The following SCGB2B2 variants were observed in gnomAD, a reference collection of about 807,000 sequenced individuals.
The protein encoded by SCGB2B2 is secretoglobin family 2B member 2, also known as secretoglobin-like protein.
Under a neutral mutation model 7.6 loss-of-function variants are expected in SCGB2B2, and 11 were observed. The observed-to-expected ratio is 1.45, with a 90% CI of 0.91 to 2.40. The LOEUF is 2.40. Among genes scored for constraint, SCGB2B2 ranks in the 30% most tolerant of loss-of-function variants. The pLI is 0.00. For synonymous variants in SCGB2B2, 50 were observed against 48.6 expected (o/e 1.03, Z -0.12); for missense variants, 104 against 115.4 (o/e 0.90, Z 0.45).
At chr19:34,596,885 A>G (rs1227760314) in intron 1 of SCGB2B2, among the ~76,000 whole-genome samples, 2 of 151,536 alleles carry the variant, frequency 1.3e-5, no homozygotes, top group African/African-American at 4.8e-5. Context: ...CCCTCTCTGG[A>G]CCCCAGAGCA....
intron 1 of SCGB2B2, among the ~76,000 whole-genome samples, chr19:34,600,193 C>T (rs2065583793): frequency 6.6e-6 from 1 of 152,136 alleles, no homozygotes. Context: ...GTTAATTTTG[C>T]TCTTTTACAA....
chr19:34,670,441 T>G (rs1271375795), intron 1 of SCGB2B2, among the ~76,000 whole-genome samples: 1 of 152,238 alleles, frequency 6.6e-6, no homozygotes, highest in Admixed American at 6.5e-5. Context: ...TATTCCCGTT[T>G]GGTGTGCAGT....
chr19:34,598,037 T>G (rs1600036446), intron 1 of SCGB2B2, among the ~76,000 whole-genome samples: 2 of 149,286 alleles, frequency 1.3e-5, no homozygotes, highest in South Asian at 2.1e-4. Context: ...TAAGTGGGGG[T>G]GATGGGTGGT....
chr19:34,663,184 G>C (rs977918058), intron 1 of SCGB2B2, among the ~76,000 whole-genome samples: 2 of 152,238 alleles, frequency 1.3e-5, no homozygotes, highest in Non-Finnish European at 2.9e-5. Flanking sequence ...GTGGCTGGGG[G>C]TGTGCATTGT....
chr19:34,588,800 C>T (rs545817345), downstream of SCGB2B2, among the ~76,000 whole-genome samples: 3 of 152,036 alleles, frequency 2.0e-5, no homozygotes, highest in East Asian at 1.9e-4. Context: ...ATGGGGTGAC[C>T]GATGGATGGA....
rs528835092 is a variant in SCGB2B2, at chr19:34,597,164, C to G, written c.-2031-570G>C. Among the ~76,000 whole-genome samples, 16 of 152,136 alleles carry G rather than the reference C, an allele frequency of 1.1e-4. No homozygotes were observed. In the South Asian group the frequency reaches 3.3e-3, roughly 31 times the overall value. On this transcript the variant is annotated intron_variant, in intron 1 of 3. Transcript: ENST00000601241. ...CACCTGTGACTCCCATCAGCCCCAC[C>G]ACATGTGGGTCCTCAAGTGCCATGA...
chr19:34,651,959 C>G lies in SCGB2B2; in HGVS notation c.-2032+23671G>C, dbSNP rs369731424. Among the ~76,000 whole-genome samples, 22 of 151,134 alleles carry G rather than the reference C, an allele frequency of 1.5e-4. 1 individual carries two copies. The highest frequency in any genetic ancestry group is 5.4e-4 in the African/African-American group (22 of 40,544). ...TAGACCAGTGAAACTAAATAGATAACTCAGAAACACATCCAGCTGTTTACA... is the reference window on the plus strand; with the variant it reads ...TAGACCAGTGAAACTAAATAGATAAGTCAGAAACACATCCAGCTGTTTACA... On this transcript the variant is annotated intron_variant, in intron 1 of 3. Coordinates refer to ENST00000601241, the MANE Select transcript of SCGB2B2 (RefSeq NM_001025591.4).
At chr19:34,600,242 A>G (rs986515996) in intron 1 of SCGB2B2, among the ~76,000 whole-genome samples, 3 of 152,134 alleles carry the variant, frequency 2.0e-5, no homozygotes, top group Non-Finnish European at 4.4e-5. Context: ...GTTCTCCCGT[A>G]TCTTACTTTT....
chr19:34,672,650 G>A (rs867320116), intron 1 of SCGB2B2, among the ~76,000 whole-genome samples: 1 of 152,284 alleles, frequency 6.6e-6, no homozygotes, highest in South Asian at 2.1e-4. Flanking sequence ...CCCAAGGGCC[G>A]ATGTGTCTAC....
At chr19:34,623,219 A>G (rs188038855) in intron 1 of SCGB2B2, among the ~76,000 whole-genome samples, 168 of 152,316 alleles carry the variant, frequency 1.1e-3, no homozygotes, top group Non-Finnish European at 1.8e-3. Context: ...GTAACCTAAC[A>G]TCCTTCCAGC....
At chr19:34,608,684 T>TATATATATATAC (rs879668084) in intron 1 of SCGB2B2, 51 of 126,606 alleles carry the variant, frequency 4.0e-4, no homozygotes, top group Middle Eastern at 8.5e-3. Context: ...TATATATATA[T>TATATATATATAC]ACCGTATTTT....
intron 1 of SCGB2B2, among the ~76,000 whole-genome samples, chr19:34,643,585 A>G (rs2066906070): frequency 1.3e-5 from 2 of 152,206 alleles, no homozygotes; most frequent in Admixed American, 6.5e-5. Flanking sequence ...ATTGTTCCCA[A>G]TGCATAGAAA....
intron 1 of SCGB2B2, among the ~76,000 whole-genome samples, chr19:34,673,449 A>AG (rs2067849398): frequency 6.6e-6 from 1 of 152,216 alleles, no homozygotes; most frequent in Non-Finnish European, 1.5e-5. Flanking sequence ...TTGTTCAGGA[A>AG]GGAATTTAAG....
chr19:34,675,410 G>A (rs1484566675), intron 1 of SCGB2B2, among the ~76,000 whole-genome samples: 3 of 152,182 alleles, frequency 2.0e-5, no homozygotes, highest in Admixed American at 2.0e-4. Context: ...AGGTAGAACT[G>A]TCAGAGGTGT....
intron 1 of SCGB2B2, chr19:34,634,930 A>AAG: frequency 3.7e-6 from 1 of 271,698 alleles, no homozygotes; most frequent in Non-Finnish European, 7.7e-6. Flanking sequence ...GTGCACTCAC[A>AAG]GCCTTTCACC....
chr19:34,672,002 G>C (rs2067814067), intron 1 of SCGB2B2, among the ~76,000 whole-genome samples: 1 of 152,174 alleles, frequency 6.6e-6, no homozygotes, highest in South Asian at 2.1e-4. Context: ...AAAGCTGGTT[G>C]TGGTGGTGCA....
intron 1 of SCGB2B2, among the ~76,000 whole-genome samples, chr19:34,660,317 CAA>C (rs2067416628): frequency 6.6e-6 from 1 of 152,126 alleles, no homozygotes; most frequent in South Asian, 2.1e-4. Context: ...TTCTGCACAG[CAA>C]AAGAAACTAT....
intron 1 of SCGB2B2, among the ~76,000 whole-genome samples, chr19:34,647,153 C>G (rs1490456879): frequency 6.6e-6 from 1 of 152,216 alleles, no homozygotes; most frequent in East Asian, 1.9e-4. Context: ...ACCAGGCAAT[C>G]TGCATGAAGC....
At chr19:34,672,987 A>G (rs942646341) in intron 1 of SCGB2B2, among the ~76,000 whole-genome samples, 35 of 152,186 alleles carry the variant, frequency 2.3e-4, no homozygotes, top group African/African-American at 8.0e-4. Flanking sequence ...GGCGGGGGAC[A>G]GACATTCACA....
Sources: gnomAD v4.1 joint callset for allele counts (sites outside exome capture counted in the v4.1 genomes callset) on GRCh38, gnomAD v4.1.1 for gene constraint, MANE v1.5 for transcripts, NCBI Gene and HGNC (gene_info 2026-07-23, HGNC 2026-07-21) for gene names.